KCNV1: variants seen among roughly 807,000 people sequenced by gnomAD.
KCNV1 encodes the protein potassium voltage-gated channel subfamily V member 1.
A neutral mutation model predicts 36.4 loss-of-function variants in KCNV1; 2 were observed. The observed-to-expected ratio is 0.05, with a 90% confidence interval of 0.02 to 0.17. The LOEUF is 0.17. KCNV1 is among the 10% of genes least tolerant of loss of function. The probability of loss-of-function intolerance (pLI) is 1.00; values close to 1 mark genes in which losing one functional copy is unlikely to be tolerated. For synonymous variants in KCNV1, 280 were observed against 261.1 expected, an observed-to-expected ratio of 1.07 and a Z score of -0.70; for missense variants, 321 against 643.6, an observed-to-expected ratio of 0.50 and a Z score of 5.42.
chr8:109,974,772 T>C lies in KCNV1; in HGVS notation c.-384A>G, dbSNP rs1186380400. On this transcript the variant is annotated 5_prime_UTR_variant, in exon 2 of 4. Transcript: ENST00000524391. The surrounding 1 kb of genome is among the most constrained non-coding windows in gnomAD (Gnocchi z 6.2). ...CAATTGCGATTCCCAGCCCAGGAGG[T>C]GTACAGATTGAATGACTCGCTACTT... The C allele has an allele frequency of 8.2e-6, 2 of 242,904 alleles. No homozygotes were observed. The highest frequency in any genetic ancestry group is 1.8e-4 in the East Asian group (2 of 10,882). The allele number at this position is 242,904 out of a possible 1,614,324, so 15.0% of individuals were successfully genotyped here.
rs1384050976 is a variant in KCNV1, at chr8:109,967,202, ATT to A, written c.*884_*885del. 6.6e-6 allele frequency: 1 copy of A among 152,168 alleles called. No individual in the cohort carries two copies. The highest frequency in any genetic ancestry group is 1.5e-5 in the Non-Finnish European group (1 of 68,026). The allele number at this position is 152,168 out of a possible 1,614,324, so 9.4% of individuals were successfully genotyped here. A position where few individuals can be genotyped will look rare whatever the true frequency, so the allele number is the denominator to read the frequency against. On this transcript the variant is annotated 3_prime_UTR_variant, in exon 4 of 4. Coordinates refer to ENST00000524391, the MANE Select transcript of KCNV1 (RefSeq NM_014379.4). ...TGATGTCATTTAACATATATTTCCC[ATT>A]TTATGAAATAAGATTATTTAGTAAT...
intron 3 of KCNV1, among the ~76,000 whole-genome samples, chr8:109,969,450 G>T (rs898162411): frequency 2.6e-5 from 4 of 152,148 alleles, no homozygotes; most frequent in Non-Finnish European, 5.9e-5. Context: ...TGAAGCATTG[G>T]CTGCTTTTCC....
chr8:109,973,841 G>T, intron 2 of KCNV1, 87 bp downstream of exon 2: 1 of 1,002,214 alleles, frequency 1.0e-6, no homozygotes, highest in Non-Finnish European at 1.4e-6. Context: ...AGCGAAGCTT[G>T]TGTAAAGCCT....
rs1277430474 is a variant in KCNV1, at chr8:109,975,076, G to C, written c.-688C>G. 1 of 152,354 alleles carries C rather than the reference G, an allele frequency of 6.6e-6. No homozygotes were observed. Among genetic ancestry groups the C allele is most frequent in the Non-Finnish European group, 1.5e-5 (1 of 68,256 alleles). 9.4% of individuals were successfully genotyped at this position (152,354 alleles called of 1,614,324 possible). A position where few individuals can be genotyped will look rare whatever the true frequency, so the allele number is the denominator to read the frequency against. ...GTGTTCGCTGGGGGTGTGAGCAGGT[G>C]GGGGAGGGTTCTCTGGGTGAGGGGG... On this transcript the variant is annotated 5_prime_UTR_variant, in exon 2 of 4. Transcript: ENST00000524391.
Position 109,972,766 on chromosome 8 carries a change from C to T in KCNV1, c.483G>A (p.Leu161=), listed in dbSNP as rs1262051212. ...CCTTCTTGAAGTCTAAAGTTTCACT[C>T]AGCTCTTTCCTTCTGAAGTATCTTT... is the stretch of plus-strand genomic sequence containing the variant. ...CRDRYFRRKE[L]SETLDFKKDT... The change falls in exon 3 of 4, where the codon CTG becomes CTA. Residue 161 remains leucine, a synonymous_variant. Transcript: ENST00000524391. This position sits in a 1 kb window ranked among gnomAD's most constrained non-coding sequence, Gnocchi z 5.2. The T allele has an allele frequency of 3.1e-6, 5 of 1,606,596 alleles. No individual in the cohort carries two copies. The African/African-American group carries it at 5.4e-5, about 17-fold the overall frequency.
At position 109,974,341 on chromosome 8, in the gene KCNV1, G is replaced by A. The variant is rs745331383; in HGVS notation, c.48C>T (p.Gly16=). 7.2e-6 allele frequency: 11 copies of A among 1,537,518 alleles called. No homozygotes were observed. The African/African-American group carries it at 1.2e-4, about 17-fold the overall frequency. The change falls in exon 2 of 4, where the codon GGC becomes GGT. Residue 16 remains glycine (G), a synonymous_variant. Coordinates refer to ENST00000524391, the MANE Select transcript of KCNV1 (RefSeq NM_014379.4). The surrounding 1 kb of genome is among the most constrained non-coding windows in gnomAD (Gnocchi z 6.2). ...CACTAGAGTCCAGGGAGGTCAGGGA[G>A]CCGCTGTCCAGCGGCGAGTCCAGCA... ...RALLDSPLDS[G]SLTSLDSSVF...
At position 109,972,834 on chromosome 8, in the gene KCNV1, C is replaced by T. The variant is rs763234374; in HGVS notation, c.462-47G>A. The T allele has an allele frequency of 9.1e-6, 13 of 1,424,504 alleles. No individual in the cohort carries two copies. Among genetic ancestry groups the T allele is most frequent in the Non-Finnish European group, 1.2e-5 (13 of 1,056,920 alleles). 88.2% of individuals were successfully genotyped at this position (1,424,504 alleles called of 1,614,324 possible). On this transcript the variant is annotated intron_variant, in intron 2 of 3. Coordinates refer to ENST00000524391, the MANE Select transcript of KCNV1 (RefSeq NM_014379.4). This position sits in a 1 kb window ranked among gnomAD's most constrained non-coding sequence, Gnocchi z 5.2. Reference sequence around the variant, plus strand: ...TGATTAGTCTAACTTTATTAAAATACAGAAGTATAAGATAATTAAACATGG... The same window carrying T: ...TGATTAGTCTAACTTTATTAAAATATAGAAGTATAAGATAATTAAACATGG...
chr8:109,969,860 A>G (rs1819988812), intron 3 of KCNV1, among the ~76,000 whole-genome samples: 1 of 151,682 alleles, frequency 6.6e-6, no homozygotes, highest in African/African-American at 2.4e-5. Flanking sequence ...AAGAAAAAAA[A>G]AAAAAAAGAA....
chr8:109,969,568 C>T (rs375089042), intron 3 of KCNV1, among the ~76,000 whole-genome samples: 19 of 152,090 alleles, frequency 1.2e-4, no homozygotes, highest in African/African-American at 3.6e-4. Context: ...CATTATGGGC[C>T]GGGCACGGTG....
At chr8:109,970,312 G>A (rs543598918) in intron 3 of KCNV1, among the ~76,000 whole-genome samples, 1 of 152,286 alleles carries the variant, frequency 6.6e-6, no homozygotes, top group South Asian at 2.1e-4. Flanking sequence ...GAGATGCATA[G>A]CATTTGTCTG....
At position 109,964,384 on chromosome 8, in the gene KCNV1, G is replaced by A. The variant is rs1284415969; in HGVS notation, c.*3704C>T. ...GGCGAAGTTATGGAGCAATTGGAAC[G>A]CATATACACTGATACTGGGAGTGTA... is the stretch of plus-strand genomic sequence containing the variant. On this transcript the variant is annotated 3_prime_UTR_variant, in exon 4 of 4. Transcript: ENST00000524391. 6.6e-6 allele frequency: 1 copy of A among 151,108 alleles called. No individual in the cohort carries two copies. The highest frequency in any genetic ancestry group is 1.5e-5 in the Non-Finnish European group (1 of 67,884). The allele number at this position is 151,108 out of a possible 1,614,324, so 9.4% of individuals were successfully genotyped here. A position where few individuals can be genotyped will look rare whatever the true frequency, so the allele number is the denominator to read the frequency against.
chr8:109,963,709 T>C lies in KCNV1; in HGVS notation c.*4379A>G, dbSNP rs1819912892. 6.6e-6 allele frequency: 1 copy of C among 152,200 alleles called. No homozygotes were observed. 9.4% of individuals were successfully genotyped at this position (152,200 alleles called of 1,614,324 possible). ...TCCACATTAAAACACAGAACTGAGA[T>C]TCCTACCTCAGTTATTTTTGCATCT... On this transcript the variant is annotated 3_prime_UTR_variant, in exon 4 of 4. Transcript: ENST00000524391.
Position 109,967,320 on chromosome 8 carries a change from C to T in KCNV1, c.*768G>A, listed in dbSNP as rs1327150291. ...TGTGAACAATACATCCATAAAGAGA[C>T]ATTTAAAGACCATCTGATATTCATG... On this transcript the variant is annotated 3_prime_UTR_variant, in exon 4 of 4. Transcript: ENST00000524391. The T allele has an allele frequency of 1.3e-5, 2 of 152,114 alleles. No homozygotes were observed. The highest frequency in any genetic ancestry group is 2.9e-5 in the Non-Finnish European group (2 of 68,016). 9.4% of individuals were successfully genotyped at this position (152,114 alleles called of 1,614,324 possible). A position where few individuals can be genotyped will look rare whatever the true frequency, so the allele number is the denominator to read the frequency against.
In KCNV1 at chr8:109,967,920, T is replaced by C; in HGVS notation, c.*168A>G. 1 of 659,134 alleles carries C rather than the reference T, an allele frequency of 1.5e-6. No homozygotes were observed. The highest frequency in any genetic ancestry group is 3.0e-5 in the Admixed American group (1 of 33,686). The allele number at this position is 659,134 out of a possible 1,614,324, so 40.8% of individuals were successfully genotyped here. A position where few individuals can be genotyped will look rare whatever the true frequency, so the allele number is the denominator to read the frequency against. On this transcript the variant is annotated 3_prime_UTR_variant, in exon 4 of 4. Coordinates refer to ENST00000524391, the MANE Select transcript of KCNV1 (RefSeq NM_014379.4). ...AATGTGTCAGAACACTGTGCAGTTG[T>C]TATAGGTGATGTGAAATATTCTAGT...
At chr8:109,970,166 T>A (rs1283463863) in intron 3 of KCNV1, among the ~76,000 whole-genome samples, 2 of 152,310 alleles carry the variant, frequency 1.3e-5, no homozygotes, top group East Asian at 3.9e-4. Context: ...TTTTTAAAGA[T>A]CATTGAGTAT....
rs1312999179 is a variant in KCNV1 at position 109,972,807 on chromosome 8, G to T, written c.462-20C>A. 2 of 1,546,996 alleles carry T rather than the reference G, an allele frequency of 1.3e-6. No homozygotes were observed. The highest frequency in any genetic ancestry group is 1.7e-6 in the Non-Finnish European group (2 of 1,148,978). ...AAGTATCTTTTAGAGAAAACAATTT[G>T]GTGATTAGTCTAACTTTATTAAAAT... On this transcript the variant is annotated intron_variant, in intron 2 of 3. Transcript: ENST00000524391. The surrounding 1 kb of genome is among the most constrained non-coding windows in gnomAD (Gnocchi z 5.2).
chr8:109,963,819 A>G lies in KCNV1; in HGVS notation c.*4269T>C, dbSNP rs998436872. 1 of 152,230 alleles carries G rather than the reference A, an allele frequency of 6.6e-6. No individual in the cohort carries two copies. The highest frequency in any genetic ancestry group is 1.5e-5 in the Non-Finnish European group (1 of 68,038). 9.4% of individuals were successfully genotyped at this position (152,230 alleles called of 1,614,324 possible). A position where few individuals can be genotyped will look rare whatever the true frequency, so the allele number is the denominator to read the frequency against. ...GTTATAGAAATAATATATACATAAAATAAAATATGAATATGTCACTCTTAA... is the reference window on the plus strand; with the variant it reads ...GTTATAGAAATAATATATACATAAAGTAAAATATGAATATGTCACTCTTAA... On this transcript the variant is annotated 3_prime_UTR_variant, in exon 4 of 4. Coordinates refer to ENST00000524391, the MANE Select transcript of KCNV1 (RefSeq NM_014379.4).
rs540255393 is a variant in KCNV1, at chr8:109,966,749, C to T, written c.*1339G>A. The T allele has an allele frequency of 6.6e-6, 1 of 152,086 alleles. No homozygotes were observed. Among genetic ancestry groups the T allele is most frequent in the Non-Finnish European group, 1.5e-5 (1 of 67,996 alleles). 9.4% of individuals were successfully genotyped at this position (152,086 alleles called of 1,614,324 possible). A position where few individuals can be genotyped will look rare whatever the true frequency, so the allele number is the denominator to read the frequency against. ...ATGTTTATTTCTTATCACCATTCAC[C>T]CCTGGCAAAGAGCCTTCTAGGCTTT... On this transcript the variant is annotated 3_prime_UTR_variant, in exon 4 of 4. Coordinates refer to ENST00000524391, the MANE Select transcript of KCNV1 (RefSeq NM_014379.4).
intron 2 of KCNV1, among the ~76,000 whole-genome samples, chr8:109,973,193 G>A (rs1352729207): frequency 6.6e-6 from 1 of 152,006 alleles, no homozygotes; most frequent in Non-Finnish European, 1.5e-5. Flanking sequence ...GTTGTCCAGG[G>A]GGGGTCTCGA....
Sources: allele counts gnomAD v4.1 joint callset (sites outside exome capture counted in the v4.1 genomes callset), GRCh38; gene constraint gnomAD v4.1.1; non-coding constraint Gnocchi (gnomAD v3.1); transcripts MANE v1.5; gene names NCBI Gene and HGNC (gene_info 2026-07-23, HGNC 2026-07-21).